Variants in BDP1 observed in about 807,000 individuals in gnomAD.
BDP1 encodes BDP1 general transcription factor IIIB subunit, also known as transcription factor TFIIIB component B'' homolog.
In BDP1, 169 loss-of-function variants were observed where a neutral mutation model predicts 266.6. The observed-to-expected ratio is 0.63, with a 90% CI of 0.56 to 0.72. BDP1 has a LOEUF of 0.72. Among genes scored for constraint, BDP1 ranks in the 30% least tolerant of loss-of-function variants. BDP1 has a pLI of 0.00. For synonymous variants in BDP1, 1,090 were observed against 1,022.4 expected, an observed-to-expected ratio of 1.07 and a Z score of -1.26; for missense variants, 3,015 against 3,053.8, an observed-to-expected ratio of 0.99 and a Z score of 0.30.
chr5:71,521,426 G>A (rs1765489231), intron 22 of BDP1, among the ~76,000 whole-genome samples: 1 of 150,914 alleles, frequency 6.6e-6, no homozygotes, highest in Non-Finnish European at 1.5e-5. Context: ...CCGAGTAGCT[G>A]GGACTTCAGG....
chr5:71,496,607 A>G (rs561238046), intron 12 of BDP1, among the ~76,000 whole-genome samples: 1 of 151,966 alleles, frequency 6.6e-6, no homozygotes, highest in South Asian at 2.1e-4. Context: ...CCAGAGACGG[A>G]GTCTTGCTCT....
rs764678157 is a variant in BDP1 at position 71,562,338 on chromosome 5, G to A, written c.7561G>A (p.Glu2521Lys). ...ICSKNSLESDEPMQVHSKKRL... is the reference protein window; with the variant it reads ...ICSKNSLESDKPMQVHSKKRL... ...CTCAAAGAATAGTTTGGAGTCTGATGAACCTATGCAAGTCCATAGTAAGAA... is the reference window on the plus strand; with the variant it reads ...CTCAAAGAATAGTTTGGAGTCTGATAAACCTATGCAAGTCCATAGTAAGAA... The change falls in exon 38 of 39, where the codon GAA (glutamate) becomes AAA (lysine). Residue 2521 changes from glutamate (E) to lysine (K), a missense_variant. Physicochemically the swap from Glu to Lys is moderately conservative, Grantham distance 56. Transcript: ENST00000358731. 6.2e-7 allele frequency: 1 copy of A among 1,611,748 alleles called. No homozygotes were observed. The highest frequency in any genetic ancestry group is 1.7e-4 in the Middle Eastern group (1 of 6,032).
chr5:71,568,428 C>A (rs1744150823), downstream of BDP1, among the ~76,000 whole-genome samples: 1 of 152,222 alleles, frequency 6.6e-6, no homozygotes, highest in Non-Finnish European at 1.5e-5. Flanking sequence ...CTTCTGTCTT[C>A]ATGGTGACCA....
At position 71,495,300 on chromosome 5, in the gene BDP1, C is replaced by T. The variant is rs368872270; in HGVS notation, c.1691C>T (p.Thr564Ile). The T allele has an allele frequency of 2.2e-5, 35 of 1,605,714 alleles. No individual in the cohort carries two copies. The highest frequency in any genetic ancestry group is 2.4e-5 in the Non-Finnish European group (28 of 1,175,324). Residue 564 changes from threonine to isoleucine, a missense_variant, in exon 12 of 39, where the codon ACT (threonine) becomes ATT (isoleucine). Around this residue, in one of 3 missense-constraint regions of BDP1, gnomAD observed 2,383 missense variants for 2,404.9 expected, o/e 0.99. Coordinates refer to ENST00000358731, the MANE Select transcript of BDP1 (RefSeq NM_018429.3). ...SVATESSESS[T>I]SDLPSFEVGI... is the part of the protein sequence containing the mutation. Reference sequence around the variant, plus strand: ...GCAACTGAGTCTTCAGAATCAAGCACTTCAGATTTGCCTTCATTCGAAGTT... The same window carrying T: ...GCAACTGAGTCTTCAGAATCAAGCATTTCAGATTTGCCTTCATTCGAAGTT...
chr5:71,511,268 A>T, intron 17 of BDP1, 117 bp downstream of exon 17: 2 of 1,023,584 alleles, frequency 2.0e-6, no homozygotes, highest in Non-Finnish European at 2.9e-6. Flanking sequence ...TAAAAGTCTA[A>T]AGTCTTTTGT....
chr5:71,515,941 T>TA, intron 20 of BDP1, 120 bp from the exon 21 acceptor site: 1 of 644,998 alleles, frequency 1.6e-6, no homozygotes, highest in Non-Finnish European at 2.7e-6. Flanking sequence ...AATTTCCCTT[T>TA]AATGGTACAA....
At chr5:71,568,451 G>GA (rs1321124538), downstream of BDP1, among the ~76,000 whole-genome samples, 1 of 152,196 alleles carries the variant, frequency 6.6e-6, no homozygotes, top group African/African-American at 2.4e-5. Context: ...GCAAGGTGCA[G>GA]AATCTTGTCT....
In BDP1 at chr5:71,516,168, C is replaced by T. The variant is rs374171449; in HGVS notation, c.4757C>T (p.Thr1586Ile). Residue 1586 changes from threonine to isoleucine, a missense_variant, in exon 21 of 39, where the codon ACA (threonine) becomes ATA (isoleucine). By Grantham distance (89) the Thr-to-Ile change is moderately conservative. This residue lies in a region of BDP1 where 2,383 missense variants were observed against 2,404.9 expected (regional missense o/e 0.99). Coordinates refer to ENST00000358731, the MANE Select transcript of BDP1 (RefSeq NM_018429.3). Reference protein sequence around the residue: ...LQRPRPNIRKTGQRQIVDKGE... With the variant: ...LQRPRPNIRKIGQRQIVDKGE... ...AGACCGAGACCAAATATAAGAAAGACAGGACAGAGGCAAATAGTAGACAAA... is the reference window on the plus strand; with the variant it reads ...AGACCGAGACCAAATATAAGAAAGATAGGACAGAGGCAAATAGTAGACAAA... 158 of 1,613,204 alleles carry T rather than the reference C, an allele frequency of 9.8e-5. 1 individual carries two copies. The South Asian group carries it at 1.2e-3, about 12-fold the overall frequency.
chr5:71,522,793 C>G lies in BDP1; in HGVS notation c.5231C>G (p.Ala1744Gly). 6.2e-7 allele frequency: 1 copy of G among 1,605,766 alleles called. No individual in the cohort carries two copies. The highest frequency in any genetic ancestry group is 1.1e-5 in the South Asian group (1 of 88,220). The change falls in exon 24 of 39, where the codon GCA becomes GGA. Residue 1744 changes from alanine to glycine, a missense_variant. This residue lies in a region of BDP1 where 2,383 missense variants were observed against 2,404.9 expected (regional missense o/e 0.99). Transcript: ENST00000358731. Reference protein sequence around the residue: ...AELLTSLEVSARKDCVGSKES... With the variant: ...AELLTSLEVSGRKDCVGSKES... The stretch of plus-strand genomic sequence containing the variant: ...CTTCTGACATCTCTGGAGGTTTCAG[C>G]AAGAAAAGATTGTGTAGGTTCCAAA...
intron 15 of BDP1, among the ~76,000 whole-genome samples, chr5:71,503,508 G>A (rs1249900466): frequency 2.0e-5 from 3 of 152,182 alleles, no homozygotes; most frequent in African/African-American, 7.2e-5. Flanking sequence ...GAAGAAATAA[G>A]TACATATGTG....
chr5:71,520,637 A>ACT (rs1456569058), intron 22 of BDP1, among the ~76,000 whole-genome samples: 1 of 150,544 alleles, frequency 6.6e-6, no homozygotes, highest in Admixed American at 6.6e-5. Context: ...AACCTTATAT[A>ACT]CTCATTTATT....
chr5:71,467,471 A>C lies in BDP1; in HGVS notation c.903A>C (p.Lys301Asn). ...YSSFRKNYYS[K>N]PWSNKETDMF... ...GCTTTAGGAAAAACTATTACTCTAA[A>C]CCATGGTCAAATAAAGGTAACTAAT... The change falls in exon 6 of 39, where the codon AAA (lysine) becomes AAC (asparagine). Residue 301 changes from lysine (K) to asparagine (N), a missense_variant. Transcript: ENST00000358731. 1 of 1,602,702 alleles carries C rather than the reference A, an allele frequency of 6.2e-7. No individual in the cohort carries two copies. The highest frequency in any genetic ancestry group is 1.3e-5 in the African/African-American group (1 of 74,584).
intron 22 of BDP1, among the ~76,000 whole-genome samples, chr5:71,518,166 C>T (rs1765319619): frequency 6.6e-6 from 1 of 152,148 alleles, no homozygotes. Context: ...AAACGCCTTT[C>T]CTTTCTGTAT....
At position 71,480,277 on chromosome 5, in the gene BDP1, A is replaced by AT. The variant is rs552593030; in HGVS notation, c.1015-3535dup. ...AGGCGCGCACCACCATGCCCAGCTA[A>AT]TTTTTTTTTTTTTTTTTTTTTTTTT... On this transcript the variant is annotated intron_variant, in intron 7 of 38. Transcript: ENST00000358731. 5.3e-3 allele frequency among the ~76,000 whole-genome samples: 557 copies of AT among 104,938 alleles called. 19 individuals carry two copies. The highest frequency in any genetic ancestry group is 0.013 in the African/African-American group (349 of 27,486). The allele number at this position is 104,938 out of a possible 152,430, so 68.8% of individuals were successfully genotyped here. A position where few individuals can be genotyped will look rare whatever the true frequency, so the allele number is the denominator to read the frequency against.
intron 12 of BDP1, among the ~76,000 whole-genome samples, chr5:71,496,351 A>G (rs925113779): frequency 1.3e-5 from 2 of 152,108 alleles, no homozygotes; most frequent in African/African-American, 4.8e-5. Context: ...AATAGACAAT[A>G]CATTCATAGG....
intron 7 of BDP1, among the ~76,000 whole-genome samples, chr5:71,482,111 G>T (rs934687107): frequency 2.4e-4 from 36 of 152,178 alleles, no homozygotes; most frequent in African/African-American, 8.7e-4. Context: ...GGCTTTAGCA[G>T]CTGTTCTCTT....
rs751784970 is a variant in BDP1, at chr5:71,566,047, A to G, written c.*1162A>G. The G allele has an allele frequency of 1.4e-5, 3 of 210,992 alleles. No individual in the cohort carries two copies. In the South Asian group the frequency reaches 1.6e-4, roughly 11 times the overall value. The allele number at this position is 210,992 out of a possible 1,614,324, so 13.1% of individuals were successfully genotyped here. A position where few individuals can be genotyped will look rare whatever the true frequency, so the allele number is the denominator to read the frequency against. On this transcript the variant is annotated 3_prime_UTR_variant, in exon 39 of 39. Transcript: ENST00000358731. The stretch of plus-strand genomic sequence containing the variant: ...TAATTTTAAAGATATTTAAAATGAT[A>G]TAACTAAAAATGTTTAGCTGGTGTA...
chr5:71,557,594 C>CA (rs1743318758), intron 36 of BDP1, among the ~76,000 whole-genome samples: 1 of 151,940 alleles, frequency 6.6e-6, no homozygotes, highest in Non-Finnish European at 1.5e-5. Context: ...CCGTATTAGC[C>CA]AGGATGGTCT....
intron 11 of BDP1, among the ~76,000 whole-genome samples, chr5:71,492,240 C>A (rs1222291038): frequency 6.6e-6 from 1 of 152,068 alleles, no homozygotes; most frequent in Non-Finnish European, 1.5e-5. Flanking sequence ...GATTTCAGTT[C>A]TTGTGGATAA....
Sources: allele counts gnomAD v4.1 joint callset (sites outside exome capture counted in the v4.1 genomes callset), GRCh38; gene constraint gnomAD v4.1.1; regional missense constraint gnomAD v4.1.1; transcripts MANE v1.5; gene names NCBI Gene and HGNC (gene_info 2026-07-23, HGNC 2026-07-21).